USP34: variants seen among roughly 807,000 people sequenced by gnomAD.
USP34 encodes ubiquitin carboxyl-terminal hydrolase 34.
In USP34, 70 loss-of-function variants were observed where a neutral mutation model predicts 460.3. The observed-to-expected ratio is 0.15, with a 90% CI of 0.13 to 0.19. The LOEUF (loss-of-function observed/expected upper bound fraction) is 0.19, where lower values mean the gene tolerates loss of function less well. Ranked by LOEUF, USP34 falls within the 10% of genes least tolerant of loss-of-function variation. The probability of loss-of-function intolerance (pLI) is 1.00; values close to 1 mark genes in which losing one functional copy is unlikely to be tolerated. For missense variants in USP34, 3,985 were observed against 4,236.2 expected (o/e 0.94, Z 1.65); for synonymous variants, 1,647 against 1,405.3 (o/e 1.17, Z -3.85).
At chr2:61,337,816 G>C (rs1157202311) in intron 18 of USP34, among the ~76,000 whole-genome samples, 2 of 151,926 alleles carry the variant, frequency 1.3e-5, no homozygotes, top group Non-Finnish European at 2.9e-5. Flanking sequence ...TGATCACCAG[G>C]GTATATTTTG....
chr2:61,223,390 T>G (rs116075596), intron 62 of USP34, 94 bp from the exon 63 acceptor site: 1 of 1,240,520 alleles, frequency 8.1e-7, no homozygotes. Context: ...GATTCAATTA[T>G]AATTGTATTA....
intron 75 of USP34, among the ~76,000 whole-genome samples, chr2:61,202,471 G>A (rs1021028291): frequency 6.6e-6 from 1 of 152,118 alleles, no homozygotes; most frequent in Non-Finnish European, 1.5e-5. Flanking sequence ...GCATGTCTCT[G>A]AAAAACTTAT....
At chr2:61,294,558 A>G (rs531947360) in intron 32 of USP34, among the ~76,000 whole-genome samples, 14 of 151,992 alleles carry the variant, frequency 9.2e-5, no homozygotes, top group Admixed American at 6.6e-4. Flanking sequence ...AGCTGGGATT[A>G]TGGGCAGCAT....
At chr2:61,379,166 T>C (rs1332843624) in intron 7 of USP34, among the ~76,000 whole-genome samples, 2 of 152,138 alleles carry the variant, frequency 1.3e-5, no homozygotes, top group African/African-American at 2.4e-5. Flanking sequence ...GGTACACAAG[T>C]AAACTCCACC....
Position 61,243,558 on chromosome 2 carries a change from ATTTT to A in USP34, c.6627+1648_6627+1651del, listed in dbSNP as rs377487628. Among the ~76,000 whole-genome samples, 320 of 144,550 alleles carry A rather than the reference ATTTT, an allele frequency of 2.2e-3. 1 individual carries two copies. The highest frequency in any genetic ancestry group is 9.9e-3 in the East Asian group (49 of 4,950). The allele number at this position is 144,550 out of a possible 152,430, so 94.8% of individuals were successfully genotyped here. ...AGAAGAGCCTTCCTCTTCTTCCTTCATTTTTTTTTTTTTTTTTTTAAAAGGAAAC... is the reference window on the plus strand; with the variant it reads ...AGAAGAGCCTTCCTCTTCTTCCTTCATTTTTTTTTTTTTTTAAAAGGAAAC... On this transcript the variant is annotated intron_variant, in intron 51 of 79. Coordinates refer to ENST00000398571, the MANE Select transcript of USP34 (RefSeq NM_014709.4).
intron 6 of USP34, among the ~76,000 whole-genome samples, chr2:61,381,258 A>T (rs1018549606): frequency 3.9e-5 from 5 of 127,792 alleles, no homozygotes; most frequent in African/African-American, 1.5e-4. Flanking sequence ...AAACTAAAAA[A>T]AAATAAAACA....
chr2:61,192,489 T>TA (rs1686671350), intron 76 of USP34, among the ~76,000 whole-genome samples: 1 of 152,140 alleles, frequency 6.6e-6, no homozygotes, highest in African/African-American at 2.4e-5. Context: ...TATGAAAAGC[T>TA]AAAGGACAGA....
Position 61,194,321 on chromosome 2 carries a change from A to G in USP34, c.9509-1341T>C, listed in dbSNP as rs931926631. The G allele has an allele frequency of 1.0e-5, 10 of 984,576 alleles. No homozygotes were observed. In the African/African-American group the frequency reaches 1.4e-4, roughly 14 times the overall value. The allele number at this position is 984,576 out of a possible 1,614,324, so 61.0% of individuals were successfully genotyped here. On this transcript the variant is annotated intron_variant, in intron 75 of 79. Transcript: ENST00000398571. ...CATATACCCACCACGGTATCACCACACACATAGGTAAACAAGGACATGTCA... is the reference window on the plus strand; with the variant it reads ...CATATACCCACCACGGTATCACCACGCACATAGGTAAACAAGGACATGTCA...
At chr2:61,406,186 T>C in intron 2 of USP34, 58 bp from the exon 3 acceptor site, 6 of 1,365,720 alleles carry the variant, frequency 4.4e-6, no homozygotes, top group Non-Finnish European at 5.8e-6. Flanking sequence ...TATTTTTTAA[T>C]AATATAAAAA....
intron 41 of USP34, among the ~76,000 whole-genome samples, chr2:61,276,476 G>A (rs1211351515): frequency 6.6e-6 from 1 of 152,012 alleles, no homozygotes; most frequent in African/African-American, 2.4e-5. Flanking sequence ...CTATAAATAT[G>A]AATTTTATAC....
chr2:61,371,566 A>T (rs1034455840), intron 8 of USP34, among the ~76,000 whole-genome samples: 1 of 152,156 alleles, frequency 6.6e-6, no homozygotes, highest in Admixed American at 6.5e-5. Flanking sequence ...ACGTTAAAAA[A>T]TTTTAAGTTT....
intron 1 of USP34, among the ~76,000 whole-genome samples, chr2:61,433,130 A>G (rs1694723739): frequency 6.6e-6 from 1 of 152,226 alleles, no homozygotes; most frequent in Non-Finnish European, 1.5e-5. Context: ...CAGAGAGACC[A>G]TCTGAGTGCA....
chr2:61,436,644 A>G (rs774982186), intron 1 of USP34, among the ~76,000 whole-genome samples: 6 of 152,234 alleles, frequency 3.9e-5, no homozygotes, highest in Non-Finnish European at 8.8e-5. Context: ...TAGACAGAAT[A>G]TAACAAAGAA....
At chr2:61,364,091 A>C (rs1692355309) in intron 10 of USP34, among the ~76,000 whole-genome samples, 1 of 152,220 alleles carries the variant, frequency 6.6e-6, no homozygotes, top group African/African-American at 2.4e-5. Context: ...CAGAATGTAA[A>C]ACAGCTGAGC....
chr2:61,379,291 G>A (rs561068018), intron 7 of USP34, among the ~76,000 whole-genome samples: 1 of 152,318 alleles, frequency 6.6e-6, no homozygotes, highest in South Asian at 2.1e-4. Context: ...GGATGAGGCG[G>A]GTGGATCACC....
chr2:61,248,865 T>G (rs539809787), intron 48 of USP34, among the ~76,000 whole-genome samples, 182 bp from the exon 49 acceptor site: 3 of 152,326 alleles, frequency 2.0e-5, no homozygotes, highest in African/African-American at 4.8e-5. Context: ...GAGGACAGTA[T>G]CAAACTCTAT....
chr2:61,376,781 G>A lies in USP34; in HGVS notation c.1076+1582C>T. Reference sequence around the variant, plus strand: ...TCGTGCCTCAGCTACCCAAATAGCTGGAATCACAGGCATGCGCCACCACAC... The same window carrying A: ...TCGTGCCTCAGCTACCCAAATAGCTAGAATCACAGGCATGCGCCACCACAC... On this transcript the variant is annotated intron_variant, in intron 8 of 79. Transcript: ENST00000398571. Among the ~76,000 whole-genome samples the A allele has an allele frequency of 1.3e-5, 2 of 152,142 alleles. 1 individual carries two copies. The highest frequency in any genetic ancestry group is 3.8e-4 in the East Asian group (2 of 5,198).
chr2:61,203,059 C>T lies in USP34; in HGVS notation c.9508+81G>A, dbSNP rs1213196449. ...TTTAAAAAAAGAAAAAAAGGATTGT[C>T]TCATAATTTTTCTCCCCTTCCTGAA... On this transcript the variant is annotated intron_variant, in intron 75 of 79. Coordinates refer to ENST00000398571, the MANE Select transcript of USP34 (RefSeq NM_014709.4). 10 of 1,319,718 alleles carry T rather than the reference C, an allele frequency of 7.6e-6. No individual in the cohort carries two copies. In the East Asian group the frequency reaches 2.2e-4, roughly 29 times the overall value. The allele number at this position is 1,319,718 out of a possible 1,614,324, so 81.8% of individuals were successfully genotyped here.
chr2:61,276,394 ATT>A (rs1210407578), intron 41 of USP34, among the ~76,000 whole-genome samples: 3 of 152,152 alleles, frequency 2.0e-5, no homozygotes, highest in Non-Finnish European at 2.9e-5. Flanking sequence ...TTAAAAATAC[ATT>A]TTCTTTTTTA....
Sources: allele counts gnomAD v4.1 joint callset (sites outside exome capture counted in the v4.1 genomes callset), GRCh38; gene constraint gnomAD v4.1.1; transcripts MANE v1.5; gene names NCBI Gene and HGNC (gene_info 2026-07-23, HGNC 2026-07-21).